The following ZDHHC3 variants were observed in gnomAD, a reference collection of about 807,000 sequenced individuals.
ZDHHC3 encodes zDHHC palmitoyltransferase 3, also known as palmitoyltransferase ZDHHC3.
ZDHHC3 carries 9 observed loss-of-function variants against 30.6 expected under a neutral mutation model. The observed-to-expected ratio is 0.29, with a 90% CI of 0.18 to 0.51. The LOEUF (loss-of-function observed/expected upper bound fraction) is 0.51. Ranked by LOEUF, ZDHHC3 falls within the 20% of genes least tolerant of loss-of-function variation. ZDHHC3 has a pLI of 0.97. For synonymous variants in ZDHHC3, 136 were observed against 140.2 expected, an observed-to-expected ratio of 0.97 and a Z score of 0.21; for missense variants, 246 against 384.2, an observed-to-expected ratio of 0.64 and a Z score of 3.01.
At chr3:44,973,949 C>A (rs976859422) in intron 1 of ZDHHC3, among the ~76,000 whole-genome samples, 3 of 152,140 alleles carry the variant, frequency 2.0e-5, no homozygotes, top group Admixed American at 1.3e-4. Context: ...ACTGTGCCAT[C>A]CTTGACTTCT....
At position 44,921,047 on chromosome 3, in the gene ZDHHC3, G is replaced by C; in HGVS notation, c.*5642C>G. The C allele has an allele frequency of 1.0e-6, 1 of 985,404 alleles. No individual in the cohort carries two copies. Among genetic ancestry groups the C allele is most frequent in the Middle Eastern group, 5.2e-4 (1 of 1,914 alleles). The allele number at this position is 985,404 out of a possible 1,614,324, so 61.0% of individuals were successfully genotyped here. On this transcript the variant is annotated 3_prime_UTR_variant, in exon 7 of 7. Coordinates refer to ENST00000424952, the MANE Select transcript of ZDHHC3 (RefSeq NM_001135179.2). The stretch of plus-strand genomic sequence containing the variant: ...AGAGGAGCAGTAATAGTAGCTTCAG[G>C]CTCAAGAGAACGAACAAAAATGGTT...
intron 1 of ZDHHC3, among the ~76,000 whole-genome samples, 165 bp downstream of exon 1, chr3:44,975,768 T>TCACACACACACACACACACA (rs1392636735): frequency 2.1e-5 from 3 of 140,818 alleles, no homozygotes; most frequent in Non-Finnish European, 4.5e-5. Flanking sequence ...TCTCTCTCTC[T>TCACACACACACACACACACA]CTCTCACACA....
intron 6 of ZDHHC3, among the ~76,000 whole-genome samples, chr3:44,928,812 C>T (rs1171370090): frequency 1.3e-5 from 2 of 152,110 alleles, no homozygotes; most frequent in African/African-American, 4.8e-5. Flanking sequence ...ACCCAGAGGC[C>T]AGGTAAAAGC....
In ZDHHC3 at chr3:44,925,133, C is replaced by A; in HGVS notation, c.*1556G>T. 3.0e-6 allele frequency: 3 copies of A among 985,900 alleles called. No individual in the cohort carries two copies. The highest frequency in any genetic ancestry group is 3.6e-6 in the Non-Finnish European group (3 of 829,948). The allele number at this position is 985,900 out of a possible 1,614,324, so 61.1% of individuals were successfully genotyped here. ...TAGATTGTGGATAGTCGGCCTCCCACTAAGGGTAACACCTCAAGAGAGAGC... is the reference window on the plus strand; with the variant it reads ...TAGATTGTGGATAGTCGGCCTCCCAATAAGGGTAACACCTCAAGAGAGAGC... On this transcript the variant is annotated 3_prime_UTR_variant, in exon 7 of 7. Coordinates refer to ENST00000424952, the MANE Select transcript of ZDHHC3 (RefSeq NM_001135179.2).
Position 44,920,213 on chromosome 3 carries a change from G to A in ZDHHC3, c.*6476C>T. 2 of 1,289,970 alleles carry A rather than the reference G, an allele frequency of 1.6e-6. No homozygotes were observed. Among genetic ancestry groups the A allele is most frequent in the South Asian group, 1.2e-5 (1 of 81,036 alleles). The allele number at this position is 1,289,970 out of a possible 1,614,324, so 79.9% of individuals were successfully genotyped here. A position where few individuals can be genotyped will look rare whatever the true frequency, so the allele number is the denominator to read the frequency against. ...GGACCTTCATGTGGGTCATGAGCAT[G>A]TGATGCCATGCTGCTTCCTGACTGG... On this transcript the variant is annotated 3_prime_UTR_variant, in exon 7 of 7. Transcript: ENST00000424952.
At chr3:44,943,116 C>T (rs531191284) in intron 3 of ZDHHC3, among the ~76,000 whole-genome samples, 186 of 152,328 alleles carry the variant, frequency 1.2e-3, no homozygotes, top group African/African-American at 4.3e-3. Flanking sequence ...CCAGGCTCCT[C>T]AGCCCTCACC....
chr3:44,941,008 G>T (rs1003094468), intron 3 of ZDHHC3, among the ~76,000 whole-genome samples: 1 of 152,156 alleles, frequency 6.6e-6, no homozygotes. Context: ...GCCAGGGCCA[G>T]GTCTAATCCA....
In ZDHHC3 at chr3:44,925,241, G is replaced by A. The variant is rs576095808; in HGVS notation, c.*1448C>T. On this transcript the variant is annotated 3_prime_UTR_variant, in exon 7 of 7. Transcript: ENST00000424952. ...TGACAGAATTGAAAAGTGGCAGCAT[G>A]TTCCACTTACTTTTCTGAAAAATCA... 1.0e-6 allele frequency: 1 copy of A among 985,852 alleles called. No individual in the cohort carries two copies. Among genetic ancestry groups the A allele is most frequent in the Non-Finnish European group, 1.2e-6 (1 of 829,940 alleles). 61.1% of individuals were successfully genotyped at this position (985,852 alleles called of 1,614,324 possible).
rs761248314 is a variant in ZDHHC3, at chr3:44,919,491, C to G, written c.*7198G>C. Among the ~76,000 whole-genome samples the G allele has an allele frequency of 7.2e-5, 11 of 152,186 alleles. No individual in the cohort carries two copies. The highest frequency in any genetic ancestry group is 1.3e-4 in the Non-Finnish European group (9 of 68,042). ...ACATTGTGAATGCATTAAATGTACACTTTAAAATGGCTAATTTTGTGTTAC... is the reference window on the plus strand; with the variant it reads ...ACATTGTGAATGCATTAAATGTACAGTTTAAAATGGCTAATTTTGTGTTAC... On this transcript the variant is annotated 3_prime_UTR_variant, in exon 7 of 7. Coordinates refer to ENST00000424952, the MANE Select transcript of ZDHHC3 (RefSeq NM_001135179.2).
At chr3:44,969,774 C>T (rs1705256611) in intron 1 of ZDHHC3, 1 of 152,234 alleles carries the variant, frequency 6.6e-6, no homozygotes, top group Non-Finnish European at 1.5e-5. Context: ...CCTGCCCTAA[C>T]CTAGGAGGCA....
Position 44,921,238 on chromosome 3 carries a change from A to G in ZDHHC3, c.*5451T>C. Reference sequence around the variant, plus strand: ...GGACTAAGGCTCCCGAGGAAGGAAGAGTCTGTGCAGAACAGACTCAGCTGA... The same window carrying G: ...GGACTAAGGCTCCCGAGGAAGGAAGGGTCTGTGCAGAACAGACTCAGCTGA... On this transcript the variant is annotated 3_prime_UTR_variant, in exon 7 of 7. Coordinates refer to ENST00000424952, the MANE Select transcript of ZDHHC3 (RefSeq NM_001135179.2). 3 of 985,130 alleles carry G rather than the reference A, an allele frequency of 3.0e-6. No homozygotes were observed. Among genetic ancestry groups the G allele is most frequent in the Non-Finnish European group, 3.6e-6 (3 of 829,884 alleles). 61.0% of individuals were successfully genotyped at this position (985,130 alleles called of 1,614,324 possible). A position where few individuals can be genotyped will look rare whatever the true frequency, so the allele number is the denominator to read the frequency against.
rs866134160 is a variant in ZDHHC3, at chr3:44,943,440, G to C, written c.431+1728C>G. Among the ~76,000 whole-genome samples the C allele has an allele frequency of 3.2e-4, 48 of 152,198 alleles. No individual in the cohort carries two copies. In the Middle Eastern group the frequency reaches 0.01, roughly 32 times the overall value. On this transcript the variant is annotated intron_variant, in intron 3 of 6. Transcript: ENST00000424952. ...CTGAGGCAGGGCAGGCTGAGGTGCC[G>C]TGGGCACAGCACACAGGTACTGGGG...
At chr3:44,969,906 G>A (rs941324831) in intron 1 of ZDHHC3, 14 of 152,136 alleles carry the variant, frequency 9.2e-5, no homozygotes, top group African/African-American at 2.9e-4. Flanking sequence ...GAGAAAAAAC[G>A]CCTCCCCCCA....
chr3:44,952,522 G>A (rs1423511942), intron 2 of ZDHHC3, among the ~76,000 whole-genome samples: 1 of 152,134 alleles, frequency 6.6e-6, no homozygotes, highest in East Asian at 1.9e-4. Context: ...TGGCTCCCTA[G>A]GGACCATGGA....
Position 44,920,324 on chromosome 3 carries a change from T to G in ZDHHC3, c.*6365A>C. 5.4e-6 allele frequency: 7 copies of G among 1,289,698 alleles called. No homozygotes were observed. The highest frequency in any genetic ancestry group is 4.0e-6 in the Non-Finnish European group (4 of 988,796). 79.9% of individuals were successfully genotyped at this position (1,289,698 alleles called of 1,614,324 possible). On this transcript the variant is annotated 3_prime_UTR_variant, in exon 7 of 7. Transcript: ENST00000424952. ...GGGCATTCTGCATTCTCTTCCTGGG[T>G]GATCATCTGCAGCCTGTTGAGAAAG...
At chr3:44,936,571 C>A (rs1354805691) in intron 3 of ZDHHC3, among the ~76,000 whole-genome samples, 4 of 152,160 alleles carry the variant, frequency 2.6e-5, no homozygotes, top group Admixed American at 6.5e-5. Flanking sequence ...TTCATTGCAG[C>A]ACTATTCACA....
In ZDHHC3 at chr3:44,932,823, C is replaced by CCGG. The variant is rs372357927; in HGVS notation, c.610+292_610+294dup. 100 of 1,336,164 alleles carry CCGG rather than the reference C, an allele frequency of 7.5e-5. 2 individuals carry two copies. The African/African-American group carries it at 1.1e-3, about 14-fold the overall frequency. 82.8% of individuals were successfully genotyped at this position (1,336,164 alleles called of 1,614,324 possible). ...CCAGCATGGCTCCCACGCATTGGAA[C>CCGG]CGGCCTCTGTGCTTGCTTGGGGCCT... On this transcript the variant is annotated intron_variant, in intron 5 of 6. Transcript: ENST00000424952.
chr3:44,930,208 G>A (rs1039024024), intron 5 of ZDHHC3, among the ~76,000 whole-genome samples: 8 of 152,228 alleles, frequency 5.3e-5, no homozygotes, highest in Admixed American at 5.2e-4. Flanking sequence ...TTTGACTAGA[G>A]GTATGGTTTG....
At position 44,920,056 on chromosome 3, in the gene ZDHHC3, T is replaced by G; in HGVS notation, c.*6633A>C. 1 of 1,178,828 alleles carries G rather than the reference T, an allele frequency of 8.5e-7. No homozygotes were observed. The highest frequency in any genetic ancestry group is 1.1e-6 in the Non-Finnish European group (1 of 933,694). 73.0% of individuals were successfully genotyped at this position (1,178,828 alleles called of 1,614,324 possible). ...GAGTGGTTACTTTTGGGGATGGAAT[T>G]CTAGAGGATTTGTATTTATTTCTGT... On this transcript the variant is annotated 3_prime_UTR_variant, in exon 7 of 7. Transcript: ENST00000424952.
Sources: gnomAD v4.1 joint callset for allele counts (sites outside exome capture counted in the v4.1 genomes callset) on GRCh38, gnomAD v4.1.1 for gene constraint, MANE v1.5 for transcripts, NCBI Gene and HGNC (gene_info 2026-07-23, HGNC 2026-07-21) for gene names.